Variants in MUC7 observed in about 807,000 individuals in gnomAD.
MUC7 encodes mucin 7, secreted, also known as mucin-7.
A neutral mutation model predicts 2.5 loss-of-function variants in MUC7; 2 were observed. That is an observed-to-expected ratio of 0.81 (90% confidence interval 0.33 to 2.55). The LOEUF is 2.55. Ranked by LOEUF, MUC7 falls within the 30% of genes most tolerant of loss-of-function variation. The pLI is 0.11. For missense variants in MUC7, 408 were observed against 455.6 expected (o/e 0.90, Z 0.95); for synonymous variants, 133 against 173.4 (o/e 0.77, Z 1.83).
intron 2 of MUC7, 59 bp from the exon 3 acceptor site, chr4:70,480,740 T>A: frequency 6.4e-7 from 1 of 1,557,838 alleles, no homozygotes; most frequent in Non-Finnish European, 8.7e-7. Context: ...TCAGCAGTGA[T>A]CACCTGATTG....
intron 1 of MUC7, among the ~76,000 whole-genome samples, chr4:70,452,463 T>G (rs577380767): frequency 6.6e-6 from 1 of 152,230 alleles, no homozygotes; most frequent in South Asian, 2.1e-4. Context: ...TTACAAATAA[T>G]ATCATATAAC....
chr4:70,432,848 T>A (rs902596596), intron 1 of MUC7, among the ~76,000 whole-genome samples: 1 of 152,196 alleles, frequency 6.6e-6, no homozygotes, highest in African/African-American at 2.4e-5. Context: ...TCTTCTAAGG[T>A]TTTTATGGTT....
intron 1 of MUC7, among the ~76,000 whole-genome samples, chr4:70,449,015 T>A (rs1179385596): frequency 6.6e-6 from 1 of 152,222 alleles, no homozygotes; most frequent in East Asian, 1.9e-4. Context: ...CCCAGCACTA[T>A]TTATTGAAGA....
chr4:70,440,757 G>T (rs1249597110), intron 1 of MUC7, among the ~76,000 whole-genome samples: 1 of 152,024 alleles, frequency 6.6e-6, no homozygotes, highest in East Asian at 1.9e-4. Flanking sequence ...TTTAAAAATG[G>T]AGGGAGACAG....
At chr4:70,460,937 G>A (rs929005054) in intron 1 of MUC7, among the ~76,000 whole-genome samples, 1 of 152,290 alleles carries the variant, frequency 6.6e-6, no homozygotes, top group Admixed American at 6.5e-5. Context: ...ATGCCCTCAT[G>A]GAGTCTCCAG....
upstream of MUC7, among the ~76,000 whole-genome samples, chr4:70,468,295 A>C (rs1297520354): frequency 7.9e-5 from 12 of 152,182 alleles, no homozygotes; most frequent in Non-Finnish European, 1.8e-4. Flanking sequence ...CCCACAGCCA[A>C]TATCATACTG....
chr4:70,464,702 T>A (rs1478070281), intron 1 of MUC7, among the ~76,000 whole-genome samples: 1 of 151,986 alleles, frequency 6.6e-6, no homozygotes, highest in Non-Finnish European at 1.5e-5. Flanking sequence ...TCTAGATTCC[T>A]CCTCTCTAGG....
At position 70,481,163 on chromosome 4, in the gene MUC7, CTTCAAGAGAAAATG is replaced by C. The variant is rs1165828488; in HGVS notation, c.422_435del (p.Ser141Ter). On this transcript the variant is annotated frameshift_variant, in exon 3 of 3. Coordinates refer to ENST00000304887, the MANE Select transcript of MUC7 (RefSeq NM_152291.3). LOFTEE classifies it low-confidence loss of function (END_TRUNC). ...CTTCCCCAGAATGCCACCACCATATCTTCAAGAGAAAATGTTAACACAAGCTCTTCTGTAGCTAC... is the reference window on the plus strand; with the variant it reads ...CTTCCCCAGAATGCCACCACCATATCTTAACACAAGCTCTTCTGTAGCTAC... 6.2e-7 allele frequency: 1 copy of C among 1,614,206 alleles called. No individual in the cohort carries two copies. Among genetic ancestry groups the C allele is most frequent in the Non-Finnish European group, 8.5e-7 (1 of 1,180,038 alleles).
At chr4:70,455,078 AT>A (rs199779535) in intron 1 of MUC7, among the ~76,000 whole-genome samples, 31 of 151,084 alleles carry the variant, frequency 2.1e-4, no homozygotes, top group East Asian at 1.2e-3. Context: ...CTTTGGAGAT[AT>A]TTTTTTTTCT....
intron 1 of MUC7, among the ~76,000 whole-genome samples, chr4:70,465,863 A>G (rs572132336): frequency 6.6e-6 from 1 of 152,330 alleles, no homozygotes; most frequent in South Asian, 2.1e-4. Context: ...ACCCAGCAAA[A>G]CAGACCAACA....
In MUC7 at chr4:70,475,783, A is replaced by C. The variant is rs192629284; in HGVS notation, c.54+1708A>C. ...GAAGTGGAATGTACTTTTTTATTGA[A>C]TGAGGATGGATAGCCTCAGAATATT... On this transcript the variant is annotated intron_variant, in intron 2 of 2. Coordinates refer to ENST00000304887, the MANE Select transcript of MUC7 (RefSeq NM_152291.3). Among the ~76,000 whole-genome samples, 8 of 152,356 alleles carry C rather than the reference A, an allele frequency of 5.3e-5. No homozygotes were observed. In the East Asian group the frequency reaches 1.5e-3, roughly 29 times the overall value.
intron 1 of MUC7, among the ~76,000 whole-genome samples, chr4:70,456,743 G>A (rs956474964): frequency 1.3e-5 from 2 of 152,138 alleles, no homozygotes; most frequent in African/African-American, 4.8e-5. Context: ...CCAAACCATA[G>A]CAAGGGAAAA....
chr4:70,450,938 C>T (rs1261832350), intron 1 of MUC7, among the ~76,000 whole-genome samples: 1 of 152,102 alleles, frequency 6.6e-6, no homozygotes, highest in African/African-American at 2.4e-5. Flanking sequence ...CCAGCACTTC[C>T]TTGGCTGACC....
At chr4:70,458,956 A>C (rs2109724108) in intron 1 of MUC7, among the ~76,000 whole-genome samples, 1 of 152,300 alleles carries the variant, frequency 6.6e-6, no homozygotes, top group South Asian at 2.1e-4. Context: ...TGTTCGACTG[A>C]TAAAAGTTAT....
In MUC7 at chr4:70,434,824, G is replaced by C. The variant is rs186000225; in HGVS notation, c.-93+4137G>C. Among the ~76,000 whole-genome samples the C allele has an allele frequency of 4.5e-3, 687 of 152,122 alleles. 6 individuals carry two copies. Among genetic ancestry groups the C allele is most frequent in the African/African-American group, 0.016 (663 of 41,500 alleles). On this transcript the variant is annotated intron_variant, in intron 1 of 3. Transcript: ENST00000413702. ...AGGGTGTCGATTTTGGATCTTTCCT[G>C]CTTTCTCTTGTGGGCATTTAGTGCT...
Position 70,482,341 on chromosome 4 carries a change from C to G in MUC7, c.*463C>G, listed in dbSNP as rs959113389. 6.3e-6 allele frequency: 1 copy of G among 158,904 alleles called. No individual in the cohort carries two copies. Among genetic ancestry groups the G allele is most frequent in the African/African-American group, 2.4e-5 (1 of 41,466 alleles). 9.8% of individuals were successfully genotyped at this position (158,904 alleles called of 1,614,324 possible). On this transcript the variant is annotated 3_prime_UTR_variant, in exon 3 of 3. Coordinates refer to ENST00000304887, the MANE Select transcript of MUC7 (RefSeq NM_152291.3). ...AATATCTGTAGATAGAAACATTTAT[C>G]TATCTAAATATATTGATAGACCTGT...
chr4:70,466,855 C>T (rs1448057708), intron 1 of MUC7, among the ~76,000 whole-genome samples: 1 of 152,148 alleles, frequency 6.6e-6, no homozygotes, highest in Admixed American at 6.5e-5. Flanking sequence ...TCAACAGAGA[C>T]AGAAAATTAA....
At chr4:70,438,917 A>G (rs1560544629) in intron 1 of MUC7, among the ~76,000 whole-genome samples, 4 of 152,198 alleles carry the variant, frequency 2.6e-5, no homozygotes, top group Admixed American at 2.6e-4. Flanking sequence ...TTCAACATAC[A>G]TTTATCAAAG....
intron 1 of MUC7, among the ~76,000 whole-genome samples, chr4:70,443,317 T>A: frequency 1.1e-5 from 1 of 89,596 alleles, no homozygotes; most frequent in East Asian, 2.9e-4. Context: ...CAAAAAGAAT[T>A]TACCTTAAAA....
Sources: allele counts gnomAD v4.1 joint callset (sites outside exome capture counted in the v4.1 genomes callset), GRCh38; gene constraint gnomAD v4.1.1; transcripts MANE v1.5; gene names NCBI Gene and HGNC (gene_info 2026-07-23, HGNC 2026-07-21).